The following ARHGEF9 variants were observed in gnomAD, a reference collection of about 807,000 sequenced individuals.
ARHGEF9 encodes Cdc42 guanine nucleotide exchange factor 9, also known as rho guanine nucleotide exchange factor 9.
Under a neutral mutation model 41.3 loss-of-function variants are expected in ARHGEF9, and 2 were observed. The ratio of observed to expected loss-of-function variants is 0.05; its 90% CI spans 0.02 to 0.15. ARHGEF9 has a LOEUF of 0.15. Among genes scored for constraint, ARHGEF9 ranks in the 10% least tolerant of loss-of-function variants. ARHGEF9 has a pLI of 1.00. For missense variants in ARHGEF9, 225 were observed against 424.7 expected (o/e 0.53, Z 4.13); for synonymous variants, 160 against 154.4 (o/e 1.04, Z -0.27).
chrX:63,707,919 T>C lies in ARHGEF9; in HGVS notation c.211-1470A>G, dbSNP rs782434556. On this transcript the variant is annotated intron_variant, in intron 2 of 9. Transcript: ENST00000671741. ...CTGAATTGTCACAGGCCAAAGTAAA[T>C]AGGGCTCACTCTGTTTTTATGTATT... 1.8e-4 allele frequency among the ~76,000 whole-genome samples: 20 copies of C among 111,788 alleles called. No individual in the cohort carries two copies. The Admixed American group carries it at 1.9e-3, about 11-fold the overall frequency.
intron 7 of ARHGEF9, among the ~76,000 whole-genome samples, chrX:63,660,526 A>G (rs1239263348): frequency 2.7e-5 from 3 of 111,556 alleles, no homozygotes; most frequent in African/African-American, 9.8e-5. Flanking sequence ...TTGAATATGC[A>G]CCCCCTAAAG....
At chrX:63,743,827 C>A (rs2055106356) in intron 1 of ARHGEF9, among the ~76,000 whole-genome samples, 1 of 111,771 alleles carries the variant, frequency 8.9e-6, no homozygotes, top group African/African-American at 3.3e-5. Context: ...TGAGGAGAGA[C>A]AAAGTTAGTC....
In ARHGEF9 at chrX:63,678,552, G is replaced by A; in HGVS notation, c.603C>T (p.Tyr201=). 8.3e-7 allele frequency: 1 copy of A among 1,198,671 alleles called. No homozygotes were observed. The highest frequency in any genetic ancestry group is 1.1e-6 in the Non-Finnish European group (1 of 887,289). ...CCAGGTGGTTGTTACAATACTCAGA[G>A]TATATCCAGAATCCATCTTGCTGTG... ...FLEHQDGFWI[Y]SEYCNNHLDA... Residue 201 remains tyrosine, a synonymous_variant, in exon 5 of 10, where the codon TAC becomes TAT. Coordinates refer to ENST00000671741, the MANE Select transcript of ARHGEF9 (RefSeq NM_001353921.2).
chrX:63,669,898 T>C (rs1313806167), intron 6 of ARHGEF9, among the ~76,000 whole-genome samples: 1 of 112,260 alleles, frequency 8.9e-6, no homozygotes, highest in African/African-American at 3.2e-5. Flanking sequence ...CTGATGTCTT[T>C]GCAGAACCTA....
chrX:63,671,913 G>C (rs2147296459), intron 6 of ARHGEF9, among the ~76,000 whole-genome samples: 1 of 112,019 alleles, frequency 8.9e-6, no homozygotes, highest in Non-Finnish European at 1.9e-5. Context: ...AACTTCGCTG[G>C]AACTGGCAAG....
In ARHGEF9 at chrX:63,766,969, C is replaced by A. The variant is rs188467873; in HGVS notation, c.30+18147G>T. ...GAGGTGGTTCATAAAACAGCCACAG[C>A]AGATGATTAAAAACTTCAGTTCTCC... is the stretch of plus-strand genomic sequence containing the variant. On this transcript the variant is annotated intron_variant, in intron 1 of 9. Transcript: ENST00000671741. The A allele has an allele frequency of 7.4e-6, 4 of 541,598 alleles. No homozygotes were observed. In the Admixed American group the frequency reaches 1.0e-4, roughly 14 times the overall value. The allele number at this position is 541,598 out of a possible 1,213,427, so 44.6% of individuals were successfully genotyped here.
chrX:63,750,814 T>C lies in ARHGEF9; in HGVS notation c.31-26103A>G, dbSNP rs2055579785. The stretch of plus-strand genomic sequence containing the variant: ...AAACCAGGAGTTTTCTAATAAATAA[T>C]CTCATAGCTGGACGAGGCTAGGCTC... On this transcript the variant is annotated intron_variant, in intron 1 of 9. Transcript: ENST00000671741. 2.7e-5 allele frequency among the ~76,000 whole-genome samples: 3 copies of C among 111,573 alleles called. No homozygotes were observed. The South Asian group carries it at 1.1e-3, about 43-fold the overall frequency.
intron 1 of ARHGEF9, among the ~76,000 whole-genome samples, chrX:63,756,846 C>T (rs782061015): frequency 8.9e-6 from 1 of 111,913 alleles, no homozygotes; most frequent in South Asian, 3.8e-4. Context: ...TCTATTTCCT[C>T]ATTATCTTTT....
intron 3 of ARHGEF9, among the ~76,000 whole-genome samples, chrX:63,699,828 A>G (rs1388093680): frequency 8.9e-6 from 1 of 112,327 alleles, no homozygotes; most frequent in East Asian, 2.8e-4. Context: ...TTATGATACA[A>G]TGTTAAAAAG....
chrX:63,706,396 G>A lies in ARHGEF9; in HGVS notation c.264C>T (p.Asn88=), dbSNP rs782671712. ...EVEEGPSDVQ[N]GHLDPNSDCL... is the part of the protein sequence containing the mutation. ...AGTCTGAATTGGGGTCCAGGTGTCC[G>A]TTCTGCACATCGCTGGGCCCCTCCT... Residue 88 remains asparagine (N), a synonymous_variant, in exon 3 of 10, where the codon AAC becomes AAT. Coordinates refer to ENST00000671741, the MANE Select transcript of ARHGEF9 (RefSeq NM_001353921.2). 2.7e-5 allele frequency: 33 copies of A among 1,205,399 alleles called. No individual in the cohort carries two copies. Among genetic ancestry groups the A allele is most frequent in the South Asian group, 2.7e-4 (15 of 55,709 alleles).
intron 1 of ARHGEF9, among the ~76,000 whole-genome samples, chrX:63,781,963 C>T (rs782408693): frequency 3.7e-4 from 41 of 112,148 alleles, no homozygotes; most frequent in African/African-American, 1.3e-3. Flanking sequence ...CCTGCACTTC[C>T]TTCACATCTT....
chrX:63,776,439 C>T (rs1327421638), intron 1 of ARHGEF9, among the ~76,000 whole-genome samples: 1 of 112,182 alleles, frequency 8.9e-6, no homozygotes, highest in African/African-American at 3.2e-5. Flanking sequence ...TTTTTGGATG[C>T]TGAAATTTGA....
At chrX:63,777,891 T>A (rs1439554601) in intron 1 of ARHGEF9, among the ~76,000 whole-genome samples, 1 of 112,714 alleles carries the variant, frequency 8.9e-6, no homozygotes, top group Non-Finnish European at 1.9e-5. Context: ...ACAGTCCCCC[T>A]CCAGGCTGCC....
In ARHGEF9 at chrX:63,635,535, G is replaced by T; in HGVS notation, c.*2493C>A. ...CTCCCCTTGGGGCTGTTGGCCACTGGTCTGCTTTGATGCTATAGGCTGAGG... is the reference window on the plus strand; with the variant it reads ...CTCCCCTTGGGGCTGTTGGCCACTGTTCTGCTTTGATGCTATAGGCTGAGG... On this transcript the variant is annotated 3_prime_UTR_variant, in exon 10 of 10. Coordinates refer to ENST00000671741, the MANE Select transcript of ARHGEF9 (RefSeq NM_001353921.2). 1 of 479,829 alleles carries T rather than the reference G, an allele frequency of 2.1e-6. No homozygotes were observed. The highest frequency in any genetic ancestry group is 3.9e-5 in the East Asian group (1 of 25,740). 39.5% of individuals were successfully genotyped at this position (479,829 alleles called of 1,213,427 possible).
chrX:63,696,845 T>C (rs2051786326), intron 4 of ARHGEF9, among the ~76,000 whole-genome samples: 1 of 111,793 alleles, frequency 8.9e-6, no homozygotes, highest in Non-Finnish European at 1.9e-5. Flanking sequence ...ACAACAGCCT[T>C]GTATGTGCTC....
intron 4 of ARHGEF9, among the ~76,000 whole-genome samples, chrX:63,678,940 T>C (rs782445337): frequency 7.2e-5 from 8 of 111,834 alleles, no homozygotes; most frequent in Non-Finnish European, 1.3e-4. Context: ...ACAGACTAAG[T>C]TGTTGCAGGC....
chrX:63,778,763 C>G lies in ARHGEF9; in HGVS notation c.30+6353G>C, dbSNP rs2056334932. The stretch of plus-strand genomic sequence containing the variant: ...CTCAAGTTCAAAGTTCCACAGATCT[C>G]TAGGGCAGGGGCAAAATGTTGCCAG... On this transcript the variant is annotated intron_variant, in intron 1 of 9. Transcript: ENST00000671741. 2.7e-5 allele frequency among the ~76,000 whole-genome samples: 3 copies of G among 112,106 alleles called. No individual in the cohort carries two copies. The Admixed American group carries it at 2.8e-4, about 11-fold the overall frequency.
At chrX:63,638,481 T>C in intron 9 of ARHGEF9, 1 of 404,658 alleles carries the variant, frequency 2.5e-6, no homozygotes. Flanking sequence ...GTGAGAACAC[T>C]GATATCTGAA....
intron 1 of ARHGEF9, among the ~76,000 whole-genome samples, chrX:63,735,339 C>A (rs2054545601): frequency 9.0e-6 from 1 of 111,069 alleles, no homozygotes; most frequent in Non-Finnish European, 1.9e-5. Flanking sequence ...GGGTGGGGTT[C>A]CTTTGTTTCC....
Sources: allele counts gnomAD v4.1 joint callset (sites outside exome capture counted in the v4.1 genomes callset), GRCh38; gene constraint gnomAD v4.1.1; transcripts MANE v1.5; gene names NCBI Gene and HGNC (gene_info 2026-07-23, HGNC 2026-07-21).